Variants in NCS1 observed in about 807,000 individuals in gnomAD.
NCS1 encodes frequenin homolog.
In NCS1, 6 loss-of-function variants were observed where a neutral mutation model predicts 28.4. That is an observed-to-expected ratio of 0.21 (90% CI 0.12 to 0.42). The LOEUF (loss-of-function observed/expected upper bound fraction) is 0.42. Ranked by LOEUF, NCS1 falls within the 10% of genes least tolerant of loss-of-function variation. The probability of loss-of-function intolerance (pLI) is 1.00; values close to 1 mark genes in which losing one functional copy is unlikely to be tolerated. For synonymous variants in NCS1, 86 were observed against 99.3 expected (o/e 0.87, Z 0.79); for missense variants, 131 against 241.4 (o/e 0.54, Z 3.03).
Position 130,181,003 on chromosome 9 carries a change from C to A in NCS1, c.64+8276C>A, listed in dbSNP as rs1832646225. ...GCCCAGGGGCTCAGAGGATGGACAGCAGCCTGCCTGGGATTAAGTCCCAGG... is the reference window on the plus strand; with the variant it reads ...GCCCAGGGGCTCAGAGGATGGACAGAAGCCTGCCTGGGATTAAGTCCCAGG... On this transcript the variant is annotated intron_variant, in intron 1 of 7. Coordinates refer to ENST00000372398, the MANE Select transcript of NCS1 (RefSeq NM_014286.4). This position sits in a 1 kb window ranked among gnomAD's most constrained non-coding sequence, Gnocchi z 5.0. Among the ~76,000 whole-genome samples the A allele has an allele frequency of 6.6e-6, 1 of 152,186 alleles. No individual in the cohort carries two copies. The highest frequency in any genetic ancestry group is 1.5e-5 in the Non-Finnish European group (1 of 68,034).
chr9:130,172,568 A>T lies in NCS1; in HGVS notation c.-96A>T. The stretch of plus-strand genomic sequence containing the variant: ...AGCGCAGCGCGGGCGCCGCAGACAA[A>T]GGCGCGGCCCCGGCCCGGCCCGCCC... On this transcript the variant is annotated 5_prime_UTR_variant, in exon 1 of 8. The change creates a new upstream start codon in the 5' untranslated region. Coordinates refer to ENST00000372398, the MANE Select transcript of NCS1 (RefSeq NM_014286.4). 2.3e-5 allele frequency: 12 copies of T among 511,342 alleles called. No homozygotes were observed. The highest frequency in any genetic ancestry group is 1.5e-4 in the East Asian group (1 of 6,576). 31.7% of individuals were successfully genotyped at this position (511,342 alleles called of 1,614,324 possible).
chr9:130,211,063 G>C (rs1268767762), intron 2 of NCS1, among the ~76,000 whole-genome samples: 1 of 126,908 alleles, frequency 7.9e-6, no homozygotes, highest in African/African-American at 3.0e-5. Flanking sequence ...ATGTTGCCCG[G>C]GGTGGTCTCA....
At position 130,191,773 on chromosome 9, in the gene NCS1, C is replaced by G. The variant is rs560726625; in HGVS notation, c.65-9185C>G. ...ATGGCGGTCTGATGGCCCTGGTGGGCAGCCTGCTTGGAAGGGGCAGCGAGC... is the reference window on the plus strand; with the variant it reads ...ATGGCGGTCTGATGGCCCTGGTGGGGAGCCTGCTTGGAAGGGGCAGCGAGC... On this transcript the variant is annotated intron_variant, in intron 1 of 7. Transcript: ENST00000372398. The surrounding 1 kb of genome is among the most constrained non-coding windows in gnomAD (Gnocchi z 6.4). Among the ~76,000 whole-genome samples the G allele has an allele frequency of 5.9e-5, 9 of 152,358 alleles. No individual in the cohort carries two copies. The East Asian group carries it at 1.7e-3, about 29-fold the overall frequency.
At chr9:130,196,335 G>A (rs562747493) in intron 1 of NCS1, among the ~76,000 whole-genome samples, 1 of 152,324 alleles carries the variant, frequency 6.6e-6, no homozygotes, top group African/African-American at 2.4e-5. Flanking sequence ...TCGAGTCCCC[G>A]GCTCTGCTGC....
Position 130,221,401 on chromosome 9 carries a change from TATATATATATATAGAGAGAG to T in NCS1, c.308-1247_308-1228del, listed in dbSNP as rs1196223555. 1.2e-3 allele frequency among the ~76,000 whole-genome samples: 54 copies of T among 45,060 alleles called. 1 individual carries two copies. Among genetic ancestry groups the T allele is most frequent in the African/African-American group, 2.9e-3 (36 of 12,600 alleles). 29.6% of individuals were successfully genotyped at this position (45,060 alleles called of 152,430 possible). ...TCATATATATATATATATATATATA[TATATATATATATAGAGAGAG>T]AGAGAGAGAGAGAGAGAGAGAGAGA... On this transcript the variant is annotated intron_variant, in intron 4 of 7. Coordinates refer to ENST00000372398, the MANE Select transcript of NCS1 (RefSeq NM_014286.4).
chr9:130,222,181 G>C (rs1305264029), intron 4 of NCS1, among the ~76,000 whole-genome samples: 1 of 147,626 alleles, frequency 6.8e-6, no homozygotes, highest in Non-Finnish European at 1.5e-5. Flanking sequence ...GAGGGAGAGA[G>C]ACTTGCTCTG....
At chr9:130,201,695 G>A (rs888761625) in intron 2 of NCS1, among the ~76,000 whole-genome samples, 3 of 152,182 alleles carry the variant, frequency 2.0e-5, no homozygotes, top group South Asian at 4.1e-4. Flanking sequence ...TGGCAGGGCC[G>A]GGCACCCCCC....
intron 1 of NCS1, among the ~76,000 whole-genome samples, chr9:130,176,649 C>G (rs1832575720): frequency 6.6e-6 from 1 of 152,200 alleles, no homozygotes; most frequent in African/African-American, 2.4e-5. Context: ...ACTGCTGTGC[C>G]TGAATCCCAG....
At chr9:130,221,577 G>A (rs1475187325) in intron 4 of NCS1, among the ~76,000 whole-genome samples, 3 of 138,550 alleles carry the variant, frequency 2.2e-5, no homozygotes, top group East Asian at 4.4e-4. Flanking sequence ...AACTACAGGC[G>A]CCCGCCACCA....
chr9:130,188,952 GGTGATCCGCCC>G (rs1215097870), intron 1 of NCS1, among the ~76,000 whole-genome samples: 1 of 152,002 alleles, frequency 6.6e-6, no homozygotes, highest in Non-Finnish European at 1.5e-5. Flanking sequence ...CCTGACCTCT[GGTGATCCGCCC>G]GTCTTGGTCT....
rs1171987787 is a variant in NCS1 at position 130,233,958 on chromosome 9, C to T, written c.*986C>T. On this transcript the variant is annotated 3_prime_UTR_variant, in exon 8 of 8. Transcript: ENST00000372398. This position sits in a 1 kb window ranked among gnomAD's most constrained non-coding sequence, Gnocchi z 4.8. The stretch of plus-strand genomic sequence containing the variant: ...TCCTTGTTCTCCCCTGGGTCCGTAA[C>T]ATTTTTTCCGAGGATGAACAGGGGA... The T allele has an allele frequency of 5.9e-5, 9 of 152,162 alleles. No individual in the cohort carries two copies. The highest frequency in any genetic ancestry group is 1.9e-4 in the African/African-American group (8 of 41,416). The allele number at this position is 152,162 out of a possible 1,614,324, so 9.4% of individuals were successfully genotyped here.
intron 1 of NCS1, among the ~76,000 whole-genome samples, chr9:130,190,275 C>T (rs1228097374): frequency 1.3e-5 from 2 of 152,164 alleles, no homozygotes; most frequent in Admixed American, 1.3e-4. Context: ...CCCCATGGAG[C>T]ACCCAGCCAT....
At chr9:130,212,314 C>T (rs1354415356) in intron 2 of NCS1, among the ~76,000 whole-genome samples, 2 of 151,896 alleles carry the variant, frequency 1.3e-5, no homozygotes, top group Admixed American at 1.3e-4. Context: ...GTTCTGCCCC[C>T]GAGGGGATAT....
rs1833164597 is a variant in NCS1, at chr9:130,215,173, A to G, written c.90-2659A>G. The stretch of plus-strand genomic sequence containing the variant: ...TCTGGTGACAGTTGGGTGTGCCCCC[A>G]CATGGGTCATTAAGTCCTGGTGCCA... On this transcript the variant is annotated intron_variant, in intron 2 of 7. Transcript: ENST00000372398. This position sits in a 1 kb window ranked among gnomAD's most constrained non-coding sequence, Gnocchi z 4.2. Among the ~76,000 whole-genome samples, 1 of 152,256 alleles carries G rather than the reference A, an allele frequency of 6.6e-6. No individual in the cohort carries two copies. Among genetic ancestry groups the G allele is most frequent in the Admixed American group, 6.5e-5 (1 of 15,290 alleles).
chr9:130,197,731 G>A (rs1554906988), intron 1 of NCS1, among the ~76,000 whole-genome samples: 2 of 152,212 alleles, frequency 1.3e-5, no homozygotes, highest in African/African-American at 4.8e-5. Context: ...GGGAGGCCAA[G>A]GCAGACGTAT....
chr9:130,173,200 G>GGGGAGT (rs1554904277), intron 1 of NCS1, among the ~76,000 whole-genome samples: 1 of 66,930 alleles, frequency 1.5e-5, no homozygotes, highest in African/African-American at 5.0e-5. Flanking sequence ...CCGTTCGTGT[G>GGGGAGT]GGGGGGGGGG....
chr9:130,204,924 A>G (rs1833004978), intron 2 of NCS1, among the ~76,000 whole-genome samples: 1 of 152,106 alleles, frequency 6.6e-6, no homozygotes, highest in African/African-American at 2.4e-5. Context: ...TTTACTCATC[A>G]AGCAGCAATA....
At chr9:130,178,891 C>T (rs1225259333) in intron 1 of NCS1, among the ~76,000 whole-genome samples, 1 of 37,148 alleles carries the variant, frequency 2.7e-5, no homozygotes, top group Non-Finnish European at 5.6e-5. Context: ...CTTCTTTCCC[C>T]TCCCCTGCCC....
At chr9:130,210,913 A>T (rs1283590876) in intron 2 of NCS1, among the ~76,000 whole-genome samples, 2 of 148,086 alleles carry the variant, frequency 1.4e-5, no homozygotes, top group Non-Finnish European at 3.0e-5. Context: ...ATCATAGCTC[A>T]CTGCAACCTC....
Sources: gnomAD v4.1 joint callset for allele counts (sites outside exome capture counted in the v4.1 genomes callset) on GRCh38, gnomAD v4.1.1 for gene constraint, Gnocchi (gnomAD v3.1) non-coding constraint, MANE v1.5 for transcripts, NCBI Gene and HGNC (gene_info 2026-07-23, HGNC 2026-07-21) for gene names.